Variants in EFCAB5 observed in about 807,000 individuals in gnomAD.
EFCAB5 encodes EF-hand calcium binding domain 5, also known as EF-hand calcium-binding domain-containing protein 5.
Under a neutral mutation model 167.9 loss-of-function variants are expected in EFCAB5, and 131 were observed. The ratio of observed to expected loss-of-function variants is 0.78; its 90% confidence interval spans 0.68 to 0.90. The LOEUF (loss-of-function observed/expected upper bound fraction) is 0.90, where lower values mean the gene tolerates loss of function less well. EFCAB5 is among the 40% of genes least tolerant of loss of function. The pLI, the probability that EFCAB5 is intolerant of heterozygous loss-of-function variation, is 0.00. For missense variants in EFCAB5, 1,663 were observed against 1,745.2 expected (o/e 0.95, Z 0.84); for synonymous variants, 574 against 602.8 (o/e 0.95, Z 0.70).
At chr17:30,086,431 G>A (rs2071089597) in intron 18 of EFCAB5, among the ~76,000 whole-genome samples, 1 of 152,146 alleles carries the variant, frequency 6.6e-6, no homozygotes, top group South Asian at 2.1e-4. Flanking sequence ...CCAGGAGAGA[G>A]TGTCGTCCCA....
At chr17:30,087,856 G>A (rs990645112) in intron 19 of EFCAB5, among the ~76,000 whole-genome samples, 2 of 152,130 alleles carry the variant, frequency 1.3e-5, no homozygotes, top group African/African-American at 2.4e-5. Flanking sequence ...CTAGGCCTTT[G>A]AGGAATCACC....
At chr17:29,980,013 T>C (rs1020307464) in intron 4 of EFCAB5, among the ~76,000 whole-genome samples, 1 of 151,920 alleles carries the variant, frequency 6.6e-6, no homozygotes, top group African/African-American at 2.4e-5. Context: ...CTACTAAAAA[T>C]ACAAAATTAG....
intron 1 of EFCAB5, among the ~76,000 whole-genome samples, chr17:29,933,217 T>C (rs1277720122): frequency 1.3e-5 from 2 of 152,314 alleles, no homozygotes; most frequent in East Asian, 1.9e-4. Context: ...TGTAGAAATA[T>C]AGAAGAAGTC....
intron 14 of EFCAB5, chr17:30,069,289 C>T: frequency 6.7e-7 from 1 of 1,494,796 alleles, no homozygotes; most frequent in South Asian, 1.1e-5. Flanking sequence ...GGGGAGATGG[C>T]AAAGGTGAAG....
chr17:30,082,959 G>A lies in EFCAB5; in HGVS notation c.3495G>A (p.Val1165=). 6.8e-6 allele frequency: 11 copies of A among 1,613,980 alleles called. No homozygotes were observed. Among genetic ancestry groups the A allele is most frequent in the Non-Finnish European group, 8.5e-6 (10 of 1,179,882 alleles). ...GCCGGGAGCACATTCTGCATATTGT[G>A]ATCACTGGCATAGGCTGGCTTTATG... ...VHSREHILHI[V]ITGIGWLYDV... The change falls in exon 18 of 23, where the codon GTG becomes GTA. Residue 1165 remains valine (V), a synonymous_variant. Coordinates refer to ENST00000394835, the MANE Select transcript of EFCAB5 (RefSeq NM_198529.4).
intron 7 of EFCAB5, among the ~76,000 whole-genome samples, chr17:30,005,786 G>T (rs560364722): frequency 3.3e-5 from 5 of 152,032 alleles, no homozygotes; most frequent in African/African-American, 1.2e-4. Context: ...ACTCTTTTTG[G>T]CAATAAGATA....
intron 16 of EFCAB5, 108 bp downstream of exon 16, chr17:30,080,349 A>T (rs2070960468): frequency 2.5e-6 from 3 of 1,193,302 alleles, no homozygotes; most frequent in South Asian, 3.7e-5. Context: ...GAGGTGCCTC[A>T]AGTCACCAGT....
chr17:30,069,492 T>G (rs1363838623), intron 14 of EFCAB5: 1 of 1,597,448 alleles, frequency 6.3e-7, no homozygotes, highest in South Asian at 1.1e-5. Context: ...CAGTTAGTTG[T>G]GGGGGCAACT....
intron 7 of EFCAB5, among the ~76,000 whole-genome samples, chr17:30,001,166 A>G (rs1381014966): frequency 6.6e-6 from 1 of 152,112 alleles, no homozygotes; most frequent in Non-Finnish European, 1.5e-5. Context: ...ATGGTGTGGC[A>G]TGCTTTCTTC....
intron 14 of EFCAB5, 82 bp from the exon 15 acceptor site, chr17:30,078,133 C>T: frequency 7.0e-7 from 1 of 1,436,994 alleles, no homozygotes; most frequent in Non-Finnish European, 9.3e-7. Flanking sequence ...GGCTTCAGTT[C>T]ATCGTAAGAG....
chr17:29,983,316 T>TG (rs1334328652), intron 4 of EFCAB5, among the ~76,000 whole-genome samples: 1 of 152,224 alleles, frequency 6.6e-6, no homozygotes, highest in Non-Finnish European at 1.5e-5. Context: ...GGTATTGTAG[T>TG]GGAAGGGCTC....
intron 21 of EFCAB5, among the ~76,000 whole-genome samples, chr17:30,092,410 G>A (rs7213076): frequency 0.44 from 66,397 of 151,586 alleles, 15,324 homozygotes; most frequent in Non-Finnish European, 0.51. Flanking sequence ...TTTTTGAGAC[G>A]GAGTTTCACT....
chr17:29,985,568 C>T (rs888561905), intron 4 of EFCAB5, among the ~76,000 whole-genome samples: 1 of 152,206 alleles, frequency 6.6e-6, no homozygotes, highest in Non-Finnish European at 1.5e-5. Context: ...CAGTGATAAG[C>T]ATTGTTTCTA....
At chr17:30,105,951 T>C (rs2071444740) in intron 22 of EFCAB5, among the ~76,000 whole-genome samples, 1 of 152,196 alleles carries the variant, frequency 6.6e-6, no homozygotes, top group Non-Finnish European at 1.5e-5. Context: ...ATTATACCTT[T>C]TGTTGTATAG....
chr17:29,933,484 T>G (rs1447015223), intron 1 of EFCAB5, among the ~76,000 whole-genome samples: 1 of 152,152 alleles, frequency 6.6e-6, no homozygotes, highest in Non-Finnish European at 1.5e-5. Flanking sequence ...GTGAAGAGCC[T>G]AGGATCCTCT....
rs557698361 is a variant in EFCAB5, at chr17:30,009,057, C to T, written c.1044+9081C>T. Among the ~76,000 whole-genome samples the T allele has an allele frequency of 2.2e-3, 338 of 152,292 alleles. 1 individual carries two copies. Among genetic ancestry groups the T allele is most frequent in the African/African-American group, 7.8e-3 (325 of 41,556 alleles). ...TTGTGGTCACATTGCCTTTTCTTCT[C>T]CTGTCTGAGAAATCTCCTTCTTAAA... On this transcript the variant is annotated intron_variant, in intron 7 of 22. Transcript: ENST00000394835.
chr17:29,980,457 C>A (rs1172823859), intron 4 of EFCAB5, among the ~76,000 whole-genome samples: 1 of 152,194 alleles, frequency 6.6e-6, no homozygotes, highest in Non-Finnish European at 1.5e-5. Context: ...ATGGCACTTG[C>A]CAAAACCACA....
intron 4 of EFCAB5, among the ~76,000 whole-genome samples, chr17:29,988,447 G>T (rs1026000263): frequency 6.6e-6 from 1 of 152,178 alleles, no homozygotes; most frequent in Non-Finnish European, 1.5e-5. Flanking sequence ...CTGAAGTATA[G>T]GGTGTCTGGA....
intron 10 of EFCAB5, among the ~76,000 whole-genome samples, chr17:30,054,543 A>G (rs2070199672): frequency 6.6e-6 from 1 of 152,230 alleles, no homozygotes; most frequent in African/African-American, 2.4e-5. Flanking sequence ...AATATAAAAT[A>G]TATGTTCTAG....
Sources: allele counts gnomAD v4.1 joint callset (sites outside exome capture counted in the v4.1 genomes callset), GRCh38; gene constraint gnomAD v4.1.1; transcripts MANE v1.5; gene names NCBI Gene and HGNC (gene_info 2026-07-23, HGNC 2026-07-21).